The following PARD3B variants were observed in gnomAD, a reference collection of about 807,000 sequenced individuals.
The protein encoded by PARD3B is partitioning defective 3 homolog B.
In PARD3B, 103 loss-of-function variants were observed where a neutral mutation model predicts 130.2. The ratio of observed to expected loss-of-function variants is 0.79; its 90% CI spans 0.67 to 0.93. PARD3B has a LOEUF of 0.93. Ranked by LOEUF, PARD3B falls within the 40% of genes least tolerant of loss-of-function variation. PARD3B has a pLI of 0.00. For missense variants in PARD3B, 1,609 were observed against 1,499.2 expected (o/e 1.07, Z -1.21); for synonymous variants, 583 against 553.2 (o/e 1.05, Z -0.76).
chr2:204,894,506 T>G (rs1260404341), intron 2 of PARD3B, among the ~76,000 whole-genome samples: 1 of 152,062 alleles, frequency 6.6e-6, no homozygotes, highest in Non-Finnish European at 1.5e-5. Context: ...TTCCTCATTA[T>G]TAACAGGAGA....
intron 3 of PARD3B, among the ~76,000 whole-genome samples, chr2:204,979,500 T>G (rs1157312725): frequency 6.6e-6 from 1 of 152,206 alleles, no homozygotes; most frequent in African/African-American, 2.4e-5. Context: ...ATGAATATAC[T>G]CATTCATTTA....
intron 4 of PARD3B, among the ~76,000 whole-genome samples, chr2:205,098,587 T>C (rs1490345043): frequency 6.6e-6 from 1 of 152,216 alleles, no homozygotes; most frequent in African/African-American, 2.4e-5. Context: ...TTAAGTTTCT[T>C]TGGACATGTA....
At chr2:205,381,069 T>TAAAGAA (rs1559035663) in intron 18 of PARD3B, among the ~76,000 whole-genome samples, 2 of 23,686 alleles carry the variant, frequency 8.4e-5, no homozygotes, top group African/African-American at 2.8e-4. Flanking sequence ...AGAATATATA[T>TAAAGAA]TATATATATT....
chr2:204,831,927 G>GT (rs2043838506), intron 2 of PARD3B, among the ~76,000 whole-genome samples: 1 of 152,232 alleles, frequency 6.6e-6, no homozygotes, highest in South Asian at 2.1e-4. Flanking sequence ...AGAATGTTCA[G>GT]TTATTTTATT....
At chr2:205,566,037 T>G (rs745439502) in intron 22 of PARD3B, among the ~76,000 whole-genome samples, 6 of 152,022 alleles carry the variant, frequency 3.9e-5, no homozygotes. Flanking sequence ...ATAAGGAATA[T>G]TCCAGAAAGA....
rs919523614 is a variant in PARD3B at position 204,798,837 on chromosome 2, A to G, written c.222+112555A>G. Among the ~76,000 whole-genome samples, 4 of 152,108 alleles carry G rather than the reference A, an allele frequency of 2.6e-5. No homozygotes were observed. The South Asian group carries it at 8.3e-4, about 31-fold the overall frequency. Reference sequence around the variant, plus strand: ...GAAGGATCCAGTCCTGGCAAGATGCATCATTAAGGAGCCGTTGGTCCTTGA... The same window carrying G: ...GAAGGATCCAGTCCTGGCAAGATGCGTCATTAAGGAGCCGTTGGTCCTTGA... On this transcript the variant is annotated intron_variant, in intron 2 of 22. Transcript: ENST00000406610.
intron 16 of PARD3B, among the ~76,000 whole-genome samples, chr2:205,294,030 A>G (rs1466362322): frequency 2.0e-5 from 3 of 152,186 alleles, no homozygotes; most frequent in East Asian, 3.9e-4. Flanking sequence ...GTGTTTTCCT[A>G]TAAGTACCCA....
In PARD3B at chr2:205,301,647, A is replaced by C; in HGVS notation, c.2576A>C (p.Glu859Ala). Residue 859 changes from glutamate to alanine, a missense_variant, in exon 18 of 23, where the codon GAG becomes GCG. Coordinates refer to ENST00000406610, the MANE Select transcript of PARD3B (RefSeq NM_001302769.2). The surrounding 1 kb of genome is among the most constrained non-coding windows in gnomAD (Gnocchi z 5.2). ...GTCAAGGAGAAAAAGCGCAAAGAGG[A>C]GAATGAAGATCCAGAAAGGAAAATA... ...LKVKEKKRKEENEDPERKIKK... is the reference protein window; with the variant it reads ...LKVKEKKRKEANEDPERKIKK... 6.2e-7 allele frequency: 1 copy of C among 1,613,674 alleles called. No homozygotes were observed. Among genetic ancestry groups the C allele is most frequent in the Non-Finnish European group, 8.5e-7 (1 of 1,179,676 alleles).
At chr2:204,738,960 A>G (rs181078970) in intron 2 of PARD3B, among the ~76,000 whole-genome samples, 1 of 152,322 alleles carries the variant, frequency 6.6e-6, no homozygotes, top group East Asian at 1.9e-4. Context: ...CATCATATGC[A>G]CAGGTTCTAG....
intron 2 of PARD3B, among the ~76,000 whole-genome samples, chr2:204,791,679 A>G (rs1450753910): frequency 6.6e-6 from 1 of 152,212 alleles, no homozygotes; most frequent in Non-Finnish European, 1.5e-5. Context: ...ACTTTTAATT[A>G]AATTGTTCTT....
intron 14 of PARD3B, among the ~76,000 whole-genome samples, chr2:205,191,873 A>G (rs1448581126): frequency 6.6e-6 from 1 of 151,960 alleles, no homozygotes; most frequent in African/African-American, 2.4e-5. Context: ...AGGGTGGAGG[A>G]GATGAGGTCT....
intron 1 of PARD3B, among the ~76,000 whole-genome samples, chr2:204,649,803 A>G (rs2125166774): frequency 6.6e-6 from 1 of 152,330 alleles, no homozygotes; most frequent in South Asian, 2.1e-4. Context: ...ATCCAAAACT[A>G]TAAAAAGCTG....
chr2:205,118,107 G>A (rs529287819), intron 6 of PARD3B, among the ~76,000 whole-genome samples: 1 of 152,258 alleles, frequency 6.6e-6, no homozygotes, highest in East Asian at 1.9e-4. Flanking sequence ...CCCAAAGCCT[G>A]CCTTCATCAT....
intron 2 of PARD3B, among the ~76,000 whole-genome samples, chr2:204,766,160 A>G (rs888983946): frequency 3.9e-5 from 6 of 152,204 alleles, no homozygotes; most frequent in Admixed American, 1.3e-4. Context: ...TTGTTAGAAC[A>G]GTGAAACAGA....
intron 1 of PARD3B, among the ~76,000 whole-genome samples, chr2:204,625,171 A>C (rs1327619714): frequency 6.6e-6 from 1 of 152,038 alleles, no homozygotes; most frequent in East Asian, 1.9e-4. Context: ...TTGTCTTTTC[A>C]TCCTCATTTT....
In PARD3B at chr2:204,686,290, ACT is replaced by A. The variant is rs761483179; in HGVS notation, c.222+11_222+12del. 14 of 1,590,874 alleles carry A rather than the reference ACT, an allele frequency of 8.8e-6. No homozygotes were observed. The highest frequency in any genetic ancestry group is 2.2e-5 in the East Asian group (1 of 44,676). On this transcript the variant is annotated intron_variant, in intron 2 of 22. Transcript: ENST00000406610. The stretch of plus-strand genomic sequence containing the variant: ...GTTGAAGATAAAGACAAGGTAGATA[ACT>A]CTAAAAATGTGCCTCTTTGTTTTCC...
chr2:204,890,578 C>T lies in PARD3B; in HGVS notation c.223-74574C>T, dbSNP rs2046408756. On this transcript the variant is annotated intron_variant, in intron 2 of 22. Coordinates refer to ENST00000406610, the MANE Select transcript of PARD3B (RefSeq NM_001302769.2). The surrounding 1 kb of genome is among the most constrained non-coding windows in gnomAD (Gnocchi z 4.9). ...CATCATTGATTTCCACCTCCCCCCA[C>T]CACATCCCCTTATAGTCTTTGTCTG... Among the ~76,000 whole-genome samples the T allele has an allele frequency of 2.0e-5, 3 of 152,168 alleles. No homozygotes were observed. The highest frequency in any genetic ancestry group is 4.1e-4 in the South Asian group (2 of 4,832).
intron 1 of PARD3B, among the ~76,000 whole-genome samples, chr2:204,562,122 C>T (rs1055704884): frequency 1.8e-4 from 28 of 152,120 alleles, no homozygotes; most frequent in African/African-American, 6.5e-4. Context: ...CAGGAGAGTA[C>T]TTACCTTTGC....
chr2:204,952,643 AG>A (rs1483709364), intron 2 of PARD3B, among the ~76,000 whole-genome samples: 1 of 152,250 alleles, frequency 6.6e-6, no homozygotes, highest in Non-Finnish European at 1.5e-5. Context: ...AAAGTGAAAA[AG>A]AAGGGCAAAG....
Sources: gnomAD v4.1 joint callset for allele counts (sites outside exome capture counted in the v4.1 genomes callset) on GRCh38, gnomAD v4.1.1 for gene constraint, Gnocchi (gnomAD v3.1) non-coding constraint, MANE v1.5 for transcripts, NCBI Gene and HGNC (gene_info 2026-07-23, HGNC 2026-07-21) for gene names.